The following LRCH2 variants were observed in gnomAD, a reference collection of about 807,000 sequenced individuals.
LRCH2 encodes leucine-rich repeat and calponin homology domain-containing protein 2.
Under a neutral mutation model 68.9 loss-of-function variants are expected in LRCH2, and 38 were observed. That is an observed-to-expected ratio of 0.55 (90% CI 0.43 to 0.72). LRCH2 has a LOEUF of 0.72. Ranked by LOEUF, LRCH2 falls within the 30% of genes least tolerant of loss-of-function variation. The pLI is 0.00. For synonymous variants in LRCH2, 191 were observed against 208.1 expected (o/e 0.92, Z 0.71); for missense variants, 528 against 572.9 (o/e 0.92, Z 0.80).
intron 15 of LRCH2, among the ~76,000 whole-genome samples, chrX:115,127,917 G>A (rs374627385): frequency 6.5e-4 from 72 of 111,528 alleles, no homozygotes; most frequent in African/African-American, 1.7e-3. Context: ...CTTGATAAAG[G>A]AGGATCTAGA....
intron 1 of LRCH2, among the ~76,000 whole-genome samples, chrX:115,208,487 C>G (rs996533250): frequency 1.3e-4 from 15 of 111,155 alleles, no homozygotes; most frequent in African/African-American, 4.9e-4. Flanking sequence ...CTTAAGTAAC[C>G]CAATCTAAAT....
At chrX:115,191,667 A>C in intron 1 of LRCH2, 10 of 1,156,926 alleles carry the variant, frequency 8.6e-6, no homozygotes, top group Non-Finnish European at 1.0e-5. Context: ...ACCACTATGG[A>C]GGAGGAGGTC....
At chrX:115,154,556 GCAAA>G (rs1348186925) in intron 12 of LRCH2, among the ~76,000 whole-genome samples, 8 of 111,280 alleles carry the variant, frequency 7.2e-5, no homozygotes, top group Non-Finnish European at 1.5e-4. Context: ...CACAACAGAT[GCAAA>G]CAAACAAATT....
intron 11 of LRCH2, among the ~76,000 whole-genome samples, chrX:115,159,051 A>T (rs1473275585): frequency 9.0e-6 from 1 of 111,626 alleles, no homozygotes; most frequent in Non-Finnish European, 1.9e-5. Context: ...GAATATTCTA[A>T]TAGTATCATT....
intron 1 of LRCH2, chrX:115,190,216 T>C (rs1556556925): frequency 1.7e-6 from 2 of 1,165,553 alleles, no homozygotes; most frequent in African/African-American, 3.5e-5. Context: ...GCTCAGAGAC[T>C]ACAGCCGCCG....
intron 1 of LRCH2, among the ~76,000 whole-genome samples, chrX:115,233,156 C>T (rs1054676766): frequency 8.9e-6 from 1 of 111,796 alleles, no homozygotes; most frequent in African/African-American, 3.3e-5. Context: ...AATGAAAAAT[C>T]TCAGTCTTTA....
At chrX:115,178,146 G>A (rs927639195) in intron 5 of LRCH2, among the ~76,000 whole-genome samples, 5 of 110,405 alleles carry the variant, frequency 4.5e-5, no homozygotes, top group African/African-American at 1.7e-4. Context: ...CTGAGCTAAC[G>A]GAGAAAACCT....
chrX:115,168,364 C>T (rs1042329102), intron 6 of LRCH2, among the ~76,000 whole-genome samples: 2 of 111,279 alleles, frequency 1.8e-5, no homozygotes, highest in African/African-American at 3.3e-5. Flanking sequence ...CTGTCCAATA[C>T]GGTAAGCAGC....
intron 3 of LRCH2, among the ~76,000 whole-genome samples, chrX:115,181,733 T>G (rs1278924477): frequency 8.9e-6 from 1 of 112,374 alleles, no homozygotes; most frequent in Non-Finnish European, 1.9e-5. Flanking sequence ...ACCCATCTAC[T>G]GTTACTGATT....
intron 2 of LRCH2, among the ~76,000 whole-genome samples, chrX:115,185,903 G>T (rs1358277562): frequency 9.0e-6 from 1 of 111,402 alleles, no homozygotes; most frequent in African/African-American, 3.3e-5. Context: ...TGAAAAAGGG[G>T]GGTAGTATAT....
At chrX:115,190,010 G>C in intron 1 of LRCH2, 4 of 1,160,932 alleles carry the variant, frequency 3.4e-6, no homozygotes, top group Non-Finnish European at 4.6e-6. Context: ...GGGCAAGATG[G>C]CTACTCAGGC....
chrX:115,182,831 CAAAAAAAAAAA>C (rs1164477909), intron 3 of LRCH2, among the ~76,000 whole-genome samples: 4 of 26,269 alleles, frequency 1.5e-4, no homozygotes, highest in East Asian at 1.3e-3. Flanking sequence ...AACTTCGTCT[CAAAAAAAAAAA>C]AAAAAAAAAA....
At chrX:115,206,267 G>A (rs2072966168) in intron 1 of LRCH2, among the ~76,000 whole-genome samples, 1 of 112,071 alleles carries the variant, frequency 8.9e-6, no homozygotes, top group Admixed American at 9.4e-5. Flanking sequence ...TAATTTAATG[G>A]AGTTAAATAA....
In LRCH2 at chrX:115,198,455, C is replaced by A. The variant is rs781842260; in HGVS notation, c.350-10085G>T. ...CAATGGTTCTGTGCTACACTATGGTCGTGGGCCTCAACAAGGGCCACAAGT... is the reference window on the plus strand; with the variant it reads ...CAATGGTTCTGTGCTACACTATGGTAGTGGGCCTCAACAAGGGCCACAAGT... On this transcript the variant is annotated intron_variant, in intron 1 of 20. Transcript: ENST00000317135. 3 of 114,523 alleles carry A rather than the reference C, an allele frequency of 2.6e-5. No homozygotes were observed. In the South Asian group the frequency reaches 9.4e-4, roughly 36 times the overall value. The allele number at this position is 114,523 out of a possible 1,213,427, so 9.4% of individuals were successfully genotyped here. A position where few individuals can be genotyped will look rare whatever the true frequency, so the allele number is the denominator to read the frequency against.
chrX:115,121,166 T>TATA (rs2072137973), intron 20 of LRCH2, among the ~76,000 whole-genome samples: 1 of 108,236 alleles, frequency 9.2e-6, no homozygotes, highest in Non-Finnish European at 1.9e-5. Context: ...AAACTTAAAG[T>TATA]ATAATAATAA....
At position 115,190,591 on chromosome X, in the gene LRCH2, G is replaced by A. The variant is rs890258287; in HGVS notation, c.350-2221C>T. On this transcript the variant is annotated intron_variant, in intron 1 of 20. Coordinates refer to ENST00000317135, the MANE Select transcript of LRCH2 (RefSeq NM_020871.4). ...CGGTTACAGCCGGAGTGACCGCTACGGAGAAGAAGGCTGCTACGAGGAGTA... is the reference window on the plus strand; with the variant it reads ...CGGTTACAGCCGGAGTGACCGCTACAGAGAAGAAGGCTGCTACGAGGAGTA... The A allele has an allele frequency of 2.0e-3, 406 of 200,647 alleles. No individual in the cohort carries two copies. Among genetic ancestry groups the A allele is most frequent in the Non-Finnish European group, 2.9e-3 (356 of 124,436 alleles). 16.5% of individuals were successfully genotyped at this position (200,647 alleles called of 1,213,427 possible).
At chrX:115,149,659 C>A (rs952066072) in intron 14 of LRCH2, among the ~76,000 whole-genome samples, 168 bp downstream of exon 14, 1 of 111,174 alleles carries the variant, frequency 9.0e-6, no homozygotes, top group African/African-American at 3.3e-5. Flanking sequence ...ATTACTGAAA[C>A]CTTATGGATA....
At chrX:115,152,983 C>T (rs1380958875) in intron 12 of LRCH2, among the ~76,000 whole-genome samples, 2 of 109,860 alleles carry the variant, frequency 1.8e-5, no homozygotes, top group African/African-American at 6.6e-5. Context: ...AAATGTCAAA[C>T]TAGAATTGTG....
intron 14 of LRCH2, among the ~76,000 whole-genome samples, chrX:115,134,475 G>A (rs2072271866): frequency 8.9e-6 from 1 of 112,060 alleles, no homozygotes; most frequent in South Asian, 3.7e-4. Flanking sequence ...ACTCTTGTTA[G>A]GGGCTAATGC....
Sources: allele counts gnomAD v4.1 joint callset (sites outside exome capture counted in the v4.1 genomes callset), GRCh38; gene constraint gnomAD v4.1.1; transcripts MANE v1.5; gene names NCBI Gene and HGNC (gene_info 2026-07-23, HGNC 2026-07-21).